DLGAP2: variants seen among roughly 807,000 people sequenced by gnomAD.
DLGAP2 encodes the protein DLG associated protein 2, also known as disks large-associated protein 2.
Under a neutral mutation model 100.3 loss-of-function variants are expected in DLGAP2, and 26 were observed. The ratio of observed to expected loss-of-function variants is 0.26; its 90% confidence interval spans 0.19 to 0.36. The LOEUF is 0.36. Among genes scored for constraint, DLGAP2 ranks in the 10% least tolerant of loss-of-function variants. The pLI is 1.00. For synonymous variants in DLGAP2, 886 were observed against 630.1 expected (o/e 1.41, Z -6.08); for missense variants, 1,858 against 1,453.2 (o/e 1.28, Z -4.53).
chr8:1,671,096 G>C (rs1798679799), intron 10 of DLGAP2, among the ~76,000 whole-genome samples: 1 of 152,242 alleles, frequency 6.6e-6, no homozygotes, highest in African/African-American at 2.4e-5. Context: ...TGAGGCTCAG[G>C]GAGGGTCAGT....
chr8:1,344,680 TC>T (rs1801514960), intron 3 of DLGAP2, among the ~76,000 whole-genome samples: 2 of 152,220 alleles, frequency 1.3e-5, no homozygotes, highest in South Asian at 4.2e-4. Flanking sequence ...CCACTCAGTC[TC>T]CCGCGCTCCT....
At chr8:1,531,596 T>G (rs1020588649) in intron 4 of DLGAP2, among the ~76,000 whole-genome samples, 2 of 152,166 alleles carry the variant, frequency 1.3e-5, no homozygotes, top group Non-Finnish European at 2.9e-5. Flanking sequence ...GCAACAAGAA[T>G]GAAACTCTGT....
intron 2 of DLGAP2, among the ~76,000 whole-genome samples, chr8:1,062,717 G>A (rs1803123587): frequency 6.6e-6 from 1 of 152,138 alleles, no homozygotes; most frequent in Admixed American, 6.6e-5. Context: ...TAGTCGTTGT[G>A]ATAGCAGCTG....
intron 1 of DLGAP2, chr8:739,544 C>T (rs1427123126): frequency 6.6e-6 from 1 of 152,226 alleles, no homozygotes; most frequent in Admixed American, 6.5e-5. Context: ...CATTTTACTT[C>T]CTTTTCTCTG....
chr8:1,616,804 G>A (rs1403102070), intron 6 of DLGAP2, among the ~76,000 whole-genome samples: 2 of 300 alleles, frequency 6.7e-3, no homozygotes, highest in African/African-American at 0.029. Flanking sequence ...CTCACGTCAT[G>A]TGGGGTTTGG....
At chr8:1,333,321 G>A (rs62486218) in intron 3 of DLGAP2, among the ~76,000 whole-genome samples, 46,861 of 152,012 alleles carry the variant, frequency 0.31, 7,719 homozygotes, top group African/African-American at 0.41. Flanking sequence ...CAGGGCTGGG[G>A]TGTGGGCGTC....
chr8:1,361,869 G>T (rs144341904), intron 3 of DLGAP2, among the ~76,000 whole-genome samples: 12 of 152,178 alleles, frequency 7.9e-5, no homozygotes, highest in African/African-American at 2.9e-4. Flanking sequence ...CGGCTCCCAC[G>T]GTTTCATTTC....
At chr8:1,155,258 T>C (rs1456743743) in intron 2 of DLGAP2, among the ~76,000 whole-genome samples, 1 of 152,164 alleles carries the variant, frequency 6.6e-6, no homozygotes, top group African/African-American at 2.4e-5. Flanking sequence ...TCGCTTCTTC[T>C]TCTTGTGGCT....
intron 2 of DLGAP2, among the ~76,000 whole-genome samples, chr8:1,128,041 C>G (rs967847888): frequency 3.9e-5 from 6 of 152,238 alleles, no homozygotes; most frequent in Non-Finnish European, 8.8e-5. Context: ...AAGAGCAGCC[C>G]CACATTTCAA....
At chr8:814,846 G>A (rs183053776) in intron 1 of DLGAP2, among the ~76,000 whole-genome samples, 879 of 78,626 alleles carry the variant, frequency 0.011, 1 homozygote, top group African/African-American at 0.018. Context: ...GCAAGACTCC[G>A]TCTCAAAAAA....
At chr8:790,353 A>T (rs1468357334) in intron 1 of DLGAP2, among the ~76,000 whole-genome samples, 1 of 152,226 alleles carries the variant, frequency 6.6e-6, no homozygotes, top group Non-Finnish European at 1.5e-5. Context: ...TGACGTAACC[A>T]AAATGAAAAG....
At chr8:1,226,215 C>T (rs751499174) in intron 2 of DLGAP2, among the ~76,000 whole-genome samples, 3 of 152,082 alleles carry the variant, frequency 2.0e-5, no homozygotes, top group Non-Finnish European at 2.9e-5. Flanking sequence ...AGCAAAGACA[C>T]AGAATCAACG....
chr8:1,622,962 C>T (rs1308130315), intron 6 of DLGAP2, among the ~76,000 whole-genome samples: 1 of 152,156 alleles, frequency 6.6e-6, no homozygotes, highest in African/African-American at 2.4e-5. Context: ...GGGTGCATCC[C>T]CCCATCTTGA....
chr8:1,599,440 T>C lies in DLGAP2; in HGVS notation c.1443-27300T>C, dbSNP rs548476466. On this transcript the variant is annotated intron_variant, in intron 6 of 14. Transcript: ENST00000637795. ...CATTGTTAATTTTCTGTCTCATTGATCTAATATTGACAGTGAGGTGTGAAA... is the reference window on the plus strand; with the variant it reads ...CATTGTTAATTTTCTGTCTCATTGACCTAATATTGACAGTGAGGTGTGAAA... Among the ~76,000 whole-genome samples, 38 of 152,286 alleles carry C rather than the reference T, an allele frequency of 2.5e-4. 1 individual carries two copies. In the South Asian group the frequency reaches 7.7e-3, roughly 31 times the overall value.
At chr8:853,660 C>T (rs1325200518) in intron 1 of DLGAP2, among the ~76,000 whole-genome samples, 1 of 152,216 alleles carries the variant, frequency 6.6e-6, no homozygotes, top group Non-Finnish European at 1.5e-5. Context: ...AGGGAGCAGT[C>T]TCAGGCCTGC....
At chr8:805,415 T>C (rs1796249372) in intron 1 of DLGAP2, among the ~76,000 whole-genome samples, 1 of 152,148 alleles carries the variant, frequency 6.6e-6, no homozygotes, top group East Asian at 1.9e-4. Flanking sequence ...TCCTCATCTT[T>C]GGGGCCACTA....
chr8:740,899 A>G (rs1820465707), intron 1 of DLGAP2, among the ~76,000 whole-genome samples: 1 of 152,214 alleles, frequency 6.6e-6, no homozygotes, highest in Non-Finnish European at 1.5e-5. Flanking sequence ...TTCATTGGAT[A>G]CAATAAAAAT....
intron 2 of DLGAP2, among the ~76,000 whole-genome samples, chr8:968,707 A>G (rs1799941058): frequency 6.6e-6 from 1 of 152,160 alleles, no homozygotes; most frequent in African/African-American, 2.4e-5. Context: ...TTATACATGC[A>G]CTGGGCAGCA....
intron 2 of DLGAP2, among the ~76,000 whole-genome samples, chr8:1,193,907 A>G (rs1419158642): frequency 1.3e-5 from 2 of 152,136 alleles, no homozygotes; most frequent in African/African-American, 4.8e-5. Flanking sequence ...CCCAGCCAGG[A>G]GGAGCCGCTG....
Sources: gnomAD v4.1 joint callset for allele counts (sites outside exome capture counted in the v4.1 genomes callset) on GRCh38, gnomAD v4.1.1 for gene constraint, MANE v1.5 for transcripts, NCBI Gene and HGNC (gene_info 2026-07-23, HGNC 2026-07-21) for gene names.